CCDC88A: variants seen among roughly 807,000 people sequenced by gnomAD.
CCDC88A encodes the protein coiled-coil and HOOK domain protein 88A.
CCDC88A carries 54 observed loss-of-function variants against 234.3 expected under a neutral mutation model. The observed-to-expected ratio is 0.23, with a 90% CI of 0.19 to 0.29. CCDC88A has a LOEUF of 0.29. CCDC88A is among the 10% of genes least tolerant of loss of function. The probability of loss-of-function intolerance (pLI) is 1.00; values close to 1 mark genes in which losing one functional copy is unlikely to be tolerated. For synonymous variants in CCDC88A, 753 were observed against 737.8 expected, an observed-to-expected ratio of 1.02 and a Z score of -0.33; for missense variants, 1,832 against 2,123.4, an observed-to-expected ratio of 0.86 and a Z score of 2.70.
Position 55,335,239 on chromosome 2 carries a change from C to T in CCDC88A, c.1657-75G>A, listed in dbSNP as rs1685336166. On this transcript the variant is annotated intron_variant, in intron 14 of 32. Transcript: ENST00000436346. This position sits in a 1 kb window ranked among gnomAD's most constrained non-coding sequence, Gnocchi z 4.5. Reference sequence around the variant, plus strand: ...TATGGTTTATCTCTTCCAAAAACTACCAAGAAAAGGGGAACAAAAAAAGGG... The same window carrying T: ...TATGGTTTATCTCTTCCAAAAACTATCAAGAAAAGGGGAACAAAAAAAGGG... 3 of 953,346 alleles carry T rather than the reference C, an allele frequency of 3.1e-6. No individual in the cohort carries two copies. The highest frequency in any genetic ancestry group is 2.5e-5 in the South Asian group (1 of 40,372). 59.1% of individuals were successfully genotyped at this position (953,346 alleles called of 1,614,324 possible).
At chr2:55,305,051 G>T (rs1031029528) in intron 25 of CCDC88A, among the ~76,000 whole-genome samples, 3 of 152,124 alleles carry the variant, frequency 2.0e-5, no homozygotes, top group African/African-American at 7.2e-5. Flanking sequence ...TTCTTTTCAA[G>T]CTTAGTAAAC....
At chr2:55,400,032 A>C (rs1442774024) in intron 2 of CCDC88A, among the ~76,000 whole-genome samples, 2 of 152,312 alleles carry the variant, frequency 1.3e-5, no homozygotes, top group East Asian at 3.9e-4. Context: ...GAATGCTCTA[A>C]AAAGAAATGT....
chr2:55,361,621 G>A (rs999207383), intron 7 of CCDC88A, among the ~76,000 whole-genome samples: 3 of 152,120 alleles, frequency 2.0e-5, no homozygotes, highest in African/African-American at 4.8e-5. Context: ...ACATGTAAAC[G>A]AAACTGATAA....
intron 2 of CCDC88A, among the ~76,000 whole-genome samples, chr2:55,398,692 T>G (rs538971225): frequency 6.6e-6 from 1 of 152,138 alleles, no homozygotes; most frequent in African/African-American, 2.4e-5. Context: ...GCAAGAGGAT[T>G]GTGTAAGCCC....
intron 3 of CCDC88A, among the ~76,000 whole-genome samples, chr2:55,375,871 T>A (rs542468012): frequency 6.6e-6 from 1 of 152,106 alleles, no homozygotes; most frequent in South Asian, 2.1e-4. Context: ...TTTTAAAATG[T>A]CAACTGATAT....
intron 4 of CCDC88A, 78 bp downstream of exon 4, chr2:55,374,736 A>T: frequency 1.2e-6 from 1 of 827,018 alleles, no homozygotes; most frequent in Non-Finnish European, 2.0e-6. Flanking sequence ...AATGTATATA[A>T]GCTCTTAGTA....
chr2:55,315,668 T>G (rs575496340), intron 22 of CCDC88A: 1 of 257,046 alleles, frequency 3.9e-6, no homozygotes, highest in Non-Finnish European at 7.2e-6. Flanking sequence ...GGTGTAAACA[T>G]TTTTTCATTA....
rs1412006058 is a variant in CCDC88A, at chr2:55,289,376, T to C, written c.*1824A>G. On this transcript the variant is annotated 3_prime_UTR_variant, in exon 33 of 33. Transcript: ENST00000436346. ...TTATCCACCTAAAAATGAATGTACA[T>C]TTTTTGACATGCAATTGTCTCTAGA... 5.9e-5 allele frequency: 9 copies of C among 152,630 alleles called. No homozygotes were observed. Among genetic ancestry groups the C allele is most frequent in the Non-Finnish European group, 1.3e-4 (9 of 68,018 alleles). 9.5% of individuals were successfully genotyped at this position (152,630 alleles called of 1,614,324 possible).
At chr2:55,321,814 CTG>C (rs1411921815) in intron 18 of CCDC88A, among the ~76,000 whole-genome samples, 7 of 151,564 alleles carry the variant, frequency 4.6e-5, no homozygotes, top group South Asian at 2.1e-4. Flanking sequence ...GGAAGATAAA[CTG>C]TTTATAGTGA....
intron 15 of CCDC88A, among the ~76,000 whole-genome samples, chr2:55,333,492 T>C (rs1685163850): frequency 6.6e-6 from 1 of 152,142 alleles, no homozygotes; most frequent in African/African-American, 2.4e-5. Flanking sequence ...TCAAAATTCA[T>C]GGGGCTTTGG....
At position 55,309,195 on chromosome 2, in the gene CCDC88A, T is replaced by C. The variant is rs752466866; in HGVS notation, c.4139A>G (p.Gln1380Arg). Reference sequence around the variant, plus strand: ...AGGAGATGGGTCATAAAATTTGTATTGATCCATAATTTTCTCTTCTAGTTT... The same window carrying C: ...AGGAGATGGGTCATAAAATTTGTATCGATCCATAATTTTCTCTTCTAGTTT... ...KEKLEEKIMDQYKFYDPSPPR... is the reference protein window; with the variant it reads ...KEKLEEKIMDRYKFYDPSPPR... The change falls in exon 24 of 33, where the codon CAA (glutamine) becomes CGA (arginine). Residue 1380 changes from glutamine (Q) to arginine (R), a missense_variant. Physicochemically the swap from Gln to Arg is conservative, Grantham distance 43. Transcript: ENST00000436346. This position sits in a 1 kb window ranked among gnomAD's most constrained non-coding sequence, Gnocchi z 5.1. 12 of 1,561,554 alleles carry C rather than the reference T, an allele frequency of 7.7e-6. No homozygotes were observed. Among genetic ancestry groups the C allele is most frequent in the Admixed American group, 3.5e-5 (2 of 57,068 alleles).
rs1672992667 is a variant in CCDC88A at position 55,372,501 on chromosome 2, G to T, written c.353C>A (p.Thr118Lys). 1.3e-6 allele frequency: 2 copies of T among 1,493,370 alleles called. No individual in the cohort carries two copies. Among genetic ancestry groups the T allele is most frequent in the Admixed American group, 1.7e-5 (1 of 58,474 alleles). The allele number at this position is 1,493,370 out of a possible 1,614,324, so 92.5% of individuals were successfully genotyped here. ...IGKNPFSEQG[T>K]EEVKKLLLLL... ...TAAAAGCAGTTTTTTAACTTCTTCTGTGCCTTGTTCTAAAATAGAAACAAT... is the reference window on the plus strand; with the variant it reads ...TAAAAGCAGTTTTTTAACTTCTTCTTTGCCTTGTTCTAAAATAGAAACAAT... The change falls in exon 5 of 33, where the codon ACA becomes AAA. Residue 118 changes from threonine to lysine, a missense_variant. Transcript: ENST00000436346.
At chr2:55,361,603 T>C (rs954556911) in intron 7 of CCDC88A, among the ~76,000 whole-genome samples, 1 of 152,198 alleles carries the variant, frequency 6.6e-6, no homozygotes, top group Non-Finnish European at 1.5e-5. Flanking sequence ...AGCTCAAAAC[T>C]GTCTCTCACA....
chr2:55,339,442 T>C, intron 13 of CCDC88A, 22 bp downstream of exon 13: 2 of 1,471,670 alleles, frequency 1.4e-6, no homozygotes, highest in Non-Finnish European at 1.8e-6. Context: ...AACATTAAAA[T>C]AAACACTACA....
intron 12 of CCDC88A, among the ~76,000 whole-genome samples, chr2:55,341,735 A>C (rs911101840): frequency 1.3e-5 from 2 of 152,080 alleles, no homozygotes; most frequent in African/African-American, 4.8e-5. Flanking sequence ...GAGCCACTGC[A>C]CCTGGCCAGA....
chr2:55,382,241 T>C (rs1264223275), intron 3 of CCDC88A, among the ~76,000 whole-genome samples: 1 of 152,182 alleles, frequency 6.6e-6, no homozygotes, highest in Admixed American at 6.5e-5. Context: ...TTTTTAGAAG[T>C]TAAAGAAAAA....
chr2:55,319,890 C>A (rs1471241094), intron 18 of CCDC88A, among the ~76,000 whole-genome samples: 1 of 152,106 alleles, frequency 6.6e-6, no homozygotes, highest in Non-Finnish European at 1.5e-5. Flanking sequence ...TTGGTCTACC[C>A]TGCAGTATGC....
At chr2:55,304,080 A>G (rs1681229661) in intron 25 of CCDC88A, among the ~76,000 whole-genome samples, 1 of 150,818 alleles carries the variant, frequency 6.6e-6, no homozygotes, top group African/African-American at 2.5e-5. Context: ...AGGCCAAGGC[A>G]GGAGGATCGC....
chr2:55,365,979 C>A (rs937394848), intron 5 of CCDC88A, among the ~76,000 whole-genome samples: 10 of 152,192 alleles, frequency 6.6e-5, no homozygotes, highest in African/African-American at 2.2e-4. Context: ...TAGCCACATG[C>A]GGCTAGTGGC....
Sources: gnomAD v4.1 joint callset for allele counts (sites outside exome capture counted in the v4.1 genomes callset) on GRCh38, gnomAD v4.1.1 for gene constraint, Gnocchi (gnomAD v3.1) non-coding constraint, MANE v1.5 for transcripts, NCBI Gene and HGNC (gene_info 2026-07-23, HGNC 2026-07-21) for gene names.